SECTM1: variants seen among roughly 807,000 people sequenced by gnomAD.
SECTM1 encodes the protein secreted and transmembrane protein 1.
A neutral mutation model predicts 18.1 loss-of-function variants in SECTM1; 10 were observed. The ratio of observed to expected loss-of-function variants is 0.55; its 90% CI spans 0.34 to 0.94. The LOEUF is 0.94. SECTM1 is among the 40% of genes least tolerant of loss of function. SECTM1 has a pLI of 0.02. For missense variants in SECTM1, 297 were observed against 322.6 expected, an observed-to-expected ratio of 0.92 and a Z score of 0.61; for synonymous variants, 137 against 139.2, an observed-to-expected ratio of 0.98 and a Z score of 0.11.
chr17:82,324,807 C>T lies in SECTM1; in HGVS notation c.178G>A (p.Ala60Thr), dbSNP rs752376782. The change falls in exon 3 of 5, where the codon GCC (alanine) becomes ACC (threonine). Residue 60 changes from alanine to threonine, a missense_variant. Ala to Thr is a moderately conservative substitution (Grantham distance 58). Coordinates refer to ENST00000269389, the MANE Select transcript of SECTM1 (RefSeq NM_003004.3). ...NTVMSCNISN[A>T]FSHVNIKLRA... is the part of the protein sequence containing the mutation. ...AGCTTGATGTTGACATGGGAGAAGG[C>T]GTTGGAGATGTTGCAGGACATGACG... 5.6e-6 allele frequency: 9 copies of T among 1,614,050 alleles called. No homozygotes were observed. The Admixed American group carries it at 8.3e-5, about 15-fold the overall frequency.
chr17:82,322,419 C>CCCAGGG, intron 4 of SECTM1, 49 bp from the exon 5 acceptor site: 1 of 1,565,144 alleles, frequency 6.4e-7, no homozygotes, highest in Non-Finnish European at 8.8e-7. Context: ...GCCCCCGTGC[C>CCCAGGG]CACAGCTCTG....
rs774530763 is a variant in SECTM1, at chr17:82,322,952, C to T, written c.463G>A (p.Ala155Thr). The change falls in exon 4 of 5, where the codon GCT (alanine) becomes ACT (threonine). Residue 155 changes from alanine (A) to threonine (T), a missense_variant. Coordinates refer to ENST00000269389, the MANE Select transcript of SECTM1 (RefSeq NM_003004.3). Reference protein sequence around the residue: ...GFWPVPAVVTAVFILLVALVM... With the variant: ...GFWPVPAVVTTVFILLVALVM... The stretch of plus-strand genomic sequence containing the variant: ...AGAGCGACCAAGAGGATGAAGACAG[C>T]AGTGACCACCGCTGGCACAGGCCAG... The T allele has an allele frequency of 8.7e-6, 14 of 1,613,948 alleles. No homozygotes were observed. Among genetic ancestry groups the T allele is most frequent in the Non-Finnish European group, 7.6e-6 (9 of 1,179,972 alleles).
Position 82,328,911 on chromosome 17 carries a change from GC to G in SECTM1, c.-52-1620del, listed in dbSNP as rs1253327382. Among the ~76,000 whole-genome samples, 2 of 152,266 alleles carry G rather than the reference GC, an allele frequency of 1.3e-5. No homozygotes were observed. The highest frequency in any genetic ancestry group is 3.9e-4 in the East Asian group (2 of 5,186). ...TCCCAGCTCCCAGTGCAGCCCACAC[GC>G]CGGAGTGCAGATGACCTGCAGGGAA... is the stretch of plus-strand genomic sequence containing the variant. On this transcript the variant is annotated intron_variant, in intron 1 of 4. Coordinates refer to ENST00000269389, the MANE Select transcript of SECTM1 (RefSeq NM_003004.3). The surrounding 1 kb of genome is among the most constrained non-coding windows in gnomAD (Gnocchi z 5.8).
rs781312769 is a variant in SECTM1, at chr17:82,322,115, G to A, written c.*46C>T. On this transcript the variant is annotated 3_prime_UTR_variant, in exon 5 of 5. Coordinates refer to ENST00000269389, the MANE Select transcript of SECTM1 (RefSeq NM_003004.3). The stretch of plus-strand genomic sequence containing the variant: ...GACCCAGGCCCCGCCACCCAAGGTC[G>A]GCACTCAGGGCTGGCTCTCCTGTGT... 1.2e-5 allele frequency: 19 copies of A among 1,595,290 alleles called. No homozygotes were observed. Among genetic ancestry groups the A allele is most frequent in the South Asian group, 3.3e-5 (3 of 90,646 alleles).
chr17:82,323,619 G>T (rs921778319), intron 3 of SECTM1, among the ~76,000 whole-genome samples: 1 of 151,832 alleles, frequency 6.6e-6, no homozygotes, highest in African/African-American at 2.4e-5. Context: ...GCCGCTCAGG[G>T]CCTAGGGAGC....
intron 1 of SECTM1, among the ~76,000 whole-genome samples, chr17:82,331,753 G>GGC (rs368258264): frequency 2.2e-4 from 33 of 152,368 alleles, no homozygotes; most frequent in African/African-American, 7.2e-4. Flanking sequence ...TGGCCAGGTG[G>GGC]GCGGTGACTG....
Position 82,321,835 on chromosome 17 carries a change from C to G in SECTM1, c.*326G>C, listed in dbSNP as rs1233006497. On this transcript the variant is annotated 3_prime_UTR_variant, in exon 5 of 5. Transcript: ENST00000269389. ...GGGAGTGGAGAGAGCGGACCCCACA[C>G]CTGGGGCCGGACCAGCCTGGGGTGG... The G allele has an allele frequency of 2.9e-6, 1 of 349,458 alleles. No homozygotes were observed. The highest frequency in any genetic ancestry group is 5.4e-6 in the Non-Finnish European group (1 of 186,032). 21.6% of individuals were successfully genotyped at this position (349,458 alleles called of 1,614,324 possible).
intron 4 of SECTM1, among the ~76,000 whole-genome samples, chr17:82,322,642 C>T (rs1435355876): frequency 3.4e-5 from 5 of 149,104 alleles, no homozygotes; most frequent in African/African-American, 4.9e-5. Context: ...CCAGGGAGTC[C>T]TGGGGACAGT....
Position 82,326,219 on chromosome 17 carries a change from G to A in SECTM1, c.94+928C>T, listed in dbSNP as rs1045892652. ...TTCCACCTGGGATTCTTCCCTTTCA[G>A]TTTTGTTTTGTTTTTTGTTCGTTCT... On this transcript the variant is annotated intron_variant, in intron 2 of 4. Transcript: ENST00000269389. This position sits in a 1 kb window ranked among gnomAD's most constrained non-coding sequence, Gnocchi z 4.3. 1.4e-4 allele frequency among the ~76,000 whole-genome samples: 22 copies of A among 152,226 alleles called. 1 individual carries two copies. Among genetic ancestry groups the A allele is most frequent in the African/African-American group, 5.3e-4 (22 of 41,450 alleles).
rs868274552 is a variant in SECTM1, at chr17:82,326,854, C to T, written c.94+293G>A. 8.6e-5 allele frequency among the ~76,000 whole-genome samples: 13 copies of T among 151,786 alleles called. 1 individual carries two copies. The Middle Eastern group carries it at 0.017, about 199-fold the overall frequency. On this transcript the variant is annotated intron_variant, in intron 2 of 4. Coordinates refer to ENST00000269389, the MANE Select transcript of SECTM1 (RefSeq NM_003004.3). The surrounding 1 kb of genome is among the most constrained non-coding windows in gnomAD (Gnocchi z 4.3). ...GAAACTGGTCGTGATCTTGGTCCTTCCCCACAATTGCTCTGACAGTGACCA... is the reference window on the plus strand; with the variant it reads ...GAAACTGGTCGTGATCTTGGTCCTTTCCCACAATTGCTCTGACAGTGACCA...
chr17:82,325,909 G>A lies in SECTM1; in HGVS notation c.95-1019C>T, dbSNP rs2052141828. Among the ~76,000 whole-genome samples the A allele has an allele frequency of 6.6e-6, 1 of 152,254 alleles. No homozygotes were observed. Among genetic ancestry groups the A allele is most frequent in the Admixed American group, 6.5e-5 (1 of 15,288 alleles). ...CATTTCACCAAATACAAAACCACAT[G>A]GTGGGTGCCATGTGCTGGCAAGTGC... On this transcript the variant is annotated intron_variant, in intron 2 of 4. Coordinates refer to ENST00000269389, the MANE Select transcript of SECTM1 (RefSeq NM_003004.3). The surrounding 1 kb of genome is among the most constrained non-coding windows in gnomAD (Gnocchi z 7.6).
chr17:82,323,588 G>A lies in SECTM1; in HGVS notation c.404-577C>T, dbSNP rs553321659. On this transcript the variant is annotated intron_variant, in intron 3 of 4. Coordinates refer to ENST00000269389, the MANE Select transcript of SECTM1 (RefSeq NM_003004.3). ...GTGGGTTTGGTGACTAGAGGGGTCA[G>A]TGGCCCCGCACGGTGGGGTGGCCGC... Among the ~76,000 whole-genome samples, 3 of 151,984 alleles carry A rather than the reference G, an allele frequency of 2.0e-5. No individual in the cohort carries two copies. In the South Asian group the frequency reaches 6.2e-4, roughly 32 times the overall value.
rs2052113077 is a variant in SECTM1 at position 82,323,217 on chromosome 17, C to T, written c.404-206G>A. ...GCAGGACCAGAGGTGGAAGGAGACCCAGAGCGCAGGTGTGTCGGGGCAGCG... is the reference window on the plus strand; with the variant it reads ...GCAGGACCAGAGGTGGAAGGAGACCTAGAGCGCAGGTGTGTCGGGGCAGCG... On this transcript the variant is annotated intron_variant, in intron 3 of 4. Coordinates refer to ENST00000269389, the MANE Select transcript of SECTM1 (RefSeq NM_003004.3). 5 of 597,640 alleles carry T rather than the reference C, an allele frequency of 8.4e-6. No individual in the cohort carries two copies. In the South Asian group the frequency reaches 1.0e-4, roughly 12 times the overall value. 37.0% of individuals were successfully genotyped at this position (597,640 alleles called of 1,614,324 possible).
At position 82,324,861 on chromosome 17, in the gene SECTM1, C is replaced by A. The variant is rs749551747; in HGVS notation, c.124G>T (p.Val42Leu). 6.2e-7 allele frequency: 1 copy of A among 1,613,592 alleles called. No homozygotes were observed. Among genetic ancestry groups the A allele is most frequent in the Middle Eastern group, 1.7e-4 (1 of 6,060 alleles). The part of the protein sequence containing the change: ...GWDSPICTEG[V>L]VSVSWGENTV... ...TTCTCGCCCCAAGACACAGAGACTA[C>A]CCCCTCTGTGCAGATGGGGCTGTCC... Residue 42 changes from valine to leucine, a missense_variant, in exon 3 of 5, where the codon GTA (valine) becomes TTA (leucine). By Grantham distance (32) the Val-to-Leu change is conservative. Transcript: ENST00000269389.
chr17:82,323,110 G>T, intron 3 of SECTM1, 99 bp from the exon 4 acceptor site: 1 of 1,367,646 alleles, frequency 7.3e-7, no homozygotes, highest in Non-Finnish European at 1.0e-6. Flanking sequence ...CACACTCCCT[G>T]GGGTGAGAAT....
intron 1 of SECTM1, among the ~76,000 whole-genome samples, chr17:82,333,473 C>CG (rs1457093756): frequency 1.3e-5 from 2 of 151,632 alleles, no homozygotes; most frequent in East Asian, 1.9e-4. Context: ...TCAGGGCCAG[C>CG]GGGGGGTGAC....
rs2052134926 is a variant in SECTM1, at chr17:82,325,110, G to T, written c.95-220C>A. ...TGGCTCTGTGTGTGTGTATGTGTGT[G>T]TGTGTGCGTGCTCACACCCACGTCT... is the stretch of plus-strand genomic sequence containing the variant. On this transcript the variant is annotated intron_variant, in intron 2 of 4. Transcript: ENST00000269389. This position sits in a 1 kb window ranked among gnomAD's most constrained non-coding sequence, Gnocchi z 7.6. 6.6e-6 allele frequency among the ~76,000 whole-genome samples: 1 copy of T among 152,202 alleles called. No homozygotes were observed. The highest frequency in any genetic ancestry group is 1.5e-5 in the Non-Finnish European group (1 of 68,032).
chr17:82,329,447 CAG>C lies in SECTM1; in HGVS notation c.-52-2157_-52-2156del, dbSNP rs1369364009. On this transcript the variant is annotated intron_variant, in intron 1 of 4. Transcript: ENST00000269389. The surrounding 1 kb of genome is among the most constrained non-coding windows in gnomAD (Gnocchi z 7.6). ...CCCCACTCCAGGCAGCCGCTATGCT[CAG>C]TACAAGTCCAGTCCCTTCTGTTGGA... 6.6e-6 allele frequency: 1 copy of C among 152,316 alleles called. No individual in the cohort carries two copies. Among genetic ancestry groups the C allele is most frequent in the East Asian group, 1.9e-4 (1 of 5,196 alleles). 9.4% of individuals were successfully genotyped at this position (152,316 alleles called of 1,614,324 possible). A position where few individuals can be genotyped will look rare whatever the true frequency, so the allele number is the denominator to read the frequency against.
At position 82,322,253 on chromosome 17, in the gene SECTM1, T is replaced by C; in HGVS notation, c.655A>G (p.Arg219Gly). 2 of 1,608,286 alleles carry C rather than the reference T, an allele frequency of 1.2e-6. No individual in the cohort carries two copies. The highest frequency in any genetic ancestry group is 1.7e-6 in the Non-Finnish European group (2 of 1,176,078). Residue 219 changes from arginine to glycine, a missense_variant, in exon 5 of 5, where the codon AGG becomes GGG. Physicochemically the swap from Arg to Gly is moderately radical, Grantham distance 125. Coordinates refer to ENST00000269389, the MANE Select transcript of SECTM1 (RefSeq NM_003004.3). ...GGTTTGAACACCAGTGCCAGCGGCC[T>C]TGGGGTGGGCTCGGAGTCTGGGGTC... is the stretch of plus-strand genomic sequence containing the variant. ...LWTPDSEPTP[R>G]PLALVFKPSP...
Sources: allele counts gnomAD v4.1 joint callset (sites outside exome capture counted in the v4.1 genomes callset), GRCh38; gene constraint gnomAD v4.1.1; non-coding constraint Gnocchi (gnomAD v3.1); transcripts MANE v1.5; gene names NCBI Gene and HGNC (gene_info 2026-07-23, HGNC 2026-07-21).